TXNRD2: variants seen among roughly 807,000 people sequenced by gnomAD.
TXNRD2 encodes the protein thioredoxin reductase 2, mitochondrial.
Under a neutral mutation model 70.8 loss-of-function variants are expected in TXNRD2, and 67 were observed. That is an observed-to-expected ratio of 0.95 (90% confidence interval 0.78 to 1.16). The LOEUF is 1.16. TXNRD2 is among the 50% of genes most tolerant of loss of function. The pLI is 0.00. For missense variants in TXNRD2, 644 were observed against 719.9 expected, an observed-to-expected ratio of 0.89 and a Z score of 1.21; for synonymous variants, 301 against 295.8, an observed-to-expected ratio of 1.02 and a Z score of -0.18.
Position 19,880,196 on chromosome 22 carries a change from C to G in TXNRD2, c.1258G>C (p.Gly420Arg). Residue 420 changes from glycine (G) to arginine (R), a missense_variant, in exon 14 of 18, where the codon GGG (glycine) becomes CGG (arginine). Transcript: ENST00000400521. ...LSEEEAVARH[G>R]QEHVEVYHAH... The stretch of plus-strand genomic sequence containing the variant: ...GGCCTCACCTCAACATGCTCCTGCC[C>G]GTGGCGAGCCACTGCCTCCTCCTCG... 1 of 1,613,300 alleles carries G rather than the reference C, an allele frequency of 6.2e-7. No homozygotes were observed. The highest frequency in any genetic ancestry group is 8.5e-7 in the Non-Finnish European group (1 of 1,179,988).
rs959943233 is a variant in TXNRD2, at chr22:19,880,544, A to T, written c.1182+78T>A. ...CTACATGCAGACACACAGCGCACAA[A>T]GGCCCCTCACCCCAGAAGAGCTAGC... On this transcript the variant is annotated intron_variant, in intron 13 of 17. Transcript: ENST00000400521. 9.0e-6 allele frequency: 12 copies of T among 1,335,014 alleles called. No homozygotes were observed. In the Admixed American group the frequency reaches 1.2e-4, roughly 13 times the overall value. The allele number at this position is 1,335,014 out of a possible 1,614,324, so 82.7% of individuals were successfully genotyped here. A position where few individuals can be genotyped will look rare whatever the true frequency, so the allele number is the denominator to read the frequency against.
Position 19,883,238 on chromosome 22 carries a change from T to A in TXNRD2, c.1086+87A>T, listed in dbSNP as rs548528232. The A allele has an allele frequency of 5.0e-4, 774 of 1,534,244 alleles. 3 individuals carry two copies. In the African/African-American group the frequency reaches 9.5e-3, roughly 19 times the overall value. ...ATCAGAGAAAGTGTCGTTTCTCTCCTACAGGACGGCAGCAGCCGGAGCCCA... is the reference window on the plus strand; with the variant it reads ...ATCAGAGAAAGTGTCGTTTCTCTCCAACAGGACGGCAGCAGCCGGAGCCCA... On this transcript the variant is annotated intron_variant, in intron 12 of 17. Coordinates refer to ENST00000400521, the MANE Select transcript of TXNRD2 (RefSeq NM_006440.5).
chr22:19,891,705 C>T (rs867038715), intron 11 of TXNRD2: 12 of 152,266 alleles, frequency 7.9e-5, no homozygotes, highest in Admixed American at 7.8e-4. Context: ...GTAATCGGCA[C>T]ATCTGCAGAC....
chr22:19,941,596 G>C (rs1009438918), intron 1 of TXNRD2, 105 bp downstream of exon 1: 1 of 1,338,998 alleles, frequency 7.5e-7, no homozygotes, highest in Non-Finnish European at 9.5e-7. Context: ...ACCCCCGCGT[G>C]GGCACCCCCA....
intron 2 of TXNRD2, among the ~76,000 whole-genome samples, chr22:19,921,049 G>A (rs924675151): frequency 8.4e-5 from 12 of 142,496 alleles, no homozygotes; most frequent in Non-Finnish European, 1.8e-4. Flanking sequence ...GGAGCTTGCA[G>A]TGAGCCGAGA....
rs556784682 is a variant in TXNRD2 at position 19,885,992 on chromosome 22, C to T, written c.950-2531G>A. Among the ~76,000 whole-genome samples, 7 of 152,344 alleles carry T rather than the reference C, an allele frequency of 4.6e-5. No individual in the cohort carries two copies. In the South Asian group the frequency reaches 1.2e-3, roughly 27 times the overall value. On this transcript the variant is annotated intron_variant, in intron 11 of 17. Coordinates refer to ENST00000400521, the MANE Select transcript of TXNRD2 (RefSeq NM_006440.5). ...TGCTCTGTGGATCACTCTGGGAAGTCGGTGGGAATGTAATGGAGCCACTAA... is the reference window on the plus strand; with the variant it reads ...TGCTCTGTGGATCACTCTGGGAAGTTGGTGGGAATGTAATGGAGCCACTAA...
Position 19,924,527 on chromosome 22 carries a change from G to A in TXNRD2, c.173-4928C>T, listed in dbSNP as rs972159887. Among the ~76,000 whole-genome samples, 3 of 152,220 alleles carry A rather than the reference G, an allele frequency of 2.0e-5. No homozygotes were observed. In the East Asian group the frequency reaches 5.8e-4, roughly 29 times the overall value. ...CTCTGTCCCTTCTCCTCAGCTCACT[G>A]CCCCACTAGCCATTCTGCATGTTCA... On this transcript the variant is annotated intron_variant, in intron 2 of 17. Transcript: ENST00000400521.
At chr22:19,913,960 C>CTGT (rs1940522989) in intron 7 of TXNRD2, among the ~76,000 whole-genome samples, 1 of 152,214 alleles carries the variant, frequency 6.6e-6, no homozygotes, top group Non-Finnish European at 1.5e-5. Flanking sequence ...GAATAAGAGT[C>CTGT]TACAAAGTCA....
At chr22:19,898,246 A>C (rs889170161) in intron 9 of TXNRD2, 116 bp from the exon 10 acceptor site, 1 of 986,500 alleles carries the variant, frequency 1.0e-6, no homozygotes, top group Non-Finnish European at 1.5e-6. Flanking sequence ...GCCCTGGAGG[A>C]GGCTCCCAAC....
At chr22:19,905,392 C>G (rs1212019954) in intron 8 of TXNRD2, among the ~76,000 whole-genome samples, 1 of 152,028 alleles carries the variant, frequency 6.6e-6, no homozygotes, top group East Asian at 1.9e-4. Flanking sequence ...AACAAAATAT[C>G]TGGAGCTGTG....
intron 15 of TXNRD2, 62 bp downstream of exon 15, chr22:19,878,304 C>T (rs564254970): frequency 2.5e-6 from 4 of 1,604,048 alleles, no homozygotes; most frequent in Non-Finnish European, 3.4e-6. Flanking sequence ...GGTGTTCACC[C>T]TGCCAGGCTC....
intron 11 of TXNRD2, among the ~76,000 whole-genome samples, chr22:19,887,125 C>T (rs962061440): frequency 1.3e-5 from 2 of 152,206 alleles, no homozygotes; most frequent in Admixed American, 1.3e-4. Context: ...TTGTAAATTA[C>T]CAGTTCCTGC....
At chr22:19,932,471 C>A (rs1447655814) in intron 1 of TXNRD2, 21 of 1,596,910 alleles carry the variant, frequency 1.3e-5, no homozygotes, top group Admixed American at 1.7e-5. Flanking sequence ...AGGCAAGGGG[C>A]AGCCAAAAAA....
chr22:19,902,329 G>C (rs1305604979), intron 8 of TXNRD2, among the ~76,000 whole-genome samples: 1 of 152,204 alleles, frequency 6.6e-6, no homozygotes, highest in South Asian at 2.1e-4. Context: ...AGGCTTTCTT[G>C]TTCAAAATTG....
At chr22:19,897,845 A>G (rs1327469375) in intron 10 of TXNRD2, among the ~76,000 whole-genome samples, 194 bp downstream of exon 10, 1 of 152,130 alleles carries the variant, frequency 6.6e-6, no homozygotes, top group African/African-American at 2.4e-5. Flanking sequence ...TGTGCGCCCC[A>G]CTGCCACCCT....
chr22:19,925,906 C>T (rs1330207714), intron 2 of TXNRD2, among the ~76,000 whole-genome samples: 1 of 152,196 alleles, frequency 6.6e-6, no homozygotes, highest in East Asian at 1.9e-4. Flanking sequence ...GTGGCTCACG[C>T]CTGTAATCCC....
At position 19,899,053 on chromosome 22, in the gene TXNRD2, G is replaced by A. The variant is rs1173879037; in HGVS notation, c.678C>T (p.Ala226=). Residue 226 remains alanine (A), a synonymous_variant, in exon 9 of 18, where the codon GCC becomes GCT. Transcript: ENST00000400521. Reference sequence around the variant, plus strand: ...CTGCACGCTTGCAAAGGATACAGCTGGCCCCGACCACCAACCTGTTAGAGA... The same window carrying A: ...CTGCACGCTTGCAAAGGATACAGCTAGCCCCGACCACCAACCTGTTAGAGA... The part of the protein sequence containing the change: ...ESPGKTLVVG[A]SYVALECAGF... The A allele has an allele frequency of 6.2e-7, 1 of 1,606,956 alleles. No homozygotes were observed.
At chr22:19,931,148 G>A in intron 1 of TXNRD2, 50 bp from the exon 2 acceptor site, 1 of 1,557,726 alleles carries the variant, frequency 6.4e-7, no homozygotes, top group Non-Finnish European at 8.8e-7. Flanking sequence ...GGTTAAACGT[G>A]GTACAGGATC....
chr22:19,901,801 A>G (rs1269751295), intron 8 of TXNRD2, among the ~76,000 whole-genome samples: 1 of 152,222 alleles, frequency 6.6e-6, no homozygotes, highest in Admixed American at 6.5e-5. Context: ...AACTCAAGCC[A>G]TGACTGGCCA....
Sources: allele counts gnomAD v4.1 joint callset (sites outside exome capture counted in the v4.1 genomes callset), GRCh38; gene constraint gnomAD v4.1.1; transcripts MANE v1.5; gene names NCBI Gene and HGNC (gene_info 2026-07-23, HGNC 2026-07-21).